ASTN2: variants seen among roughly 807,000 people sequenced by gnomAD.
The protein encoded by ASTN2 is astrotactin-2.
A neutral mutation model predicts 139.8 loss-of-function variants in ASTN2; 54 were observed. The observed-to-expected ratio is 0.39, with a 90% CI of 0.31 to 0.48. The LOEUF is 0.48. Ranked by LOEUF, ASTN2 falls within the 20% of genes least tolerant of loss-of-function variation. The pLI, the probability that ASTN2 is intolerant of heterozygous loss-of-function variation, is 0.95. For synonymous variants in ASTN2, 756 were observed against 719.5 expected (o/e 1.05, Z -0.81); for missense variants, 1,565 against 1,725.1 (o/e 0.91, Z 1.64).
Position 117,084,207 on chromosome 9 carries a change from T to A in ASTN2, c.1276+11837A>T, listed in dbSNP as rs561634904. On this transcript the variant is annotated intron_variant, in intron 5 of 22. Coordinates refer to ENST00000313400, the MANE Select transcript of ASTN2 (RefSeq NM_001365068.1). ...TGCAGATGTAGATCAAAGCTAGGTT[T>A]CTGTATTTTACTGCATTTTACTGTG... Among the ~76,000 whole-genome samples, 3 of 152,298 alleles carry A rather than the reference T, an allele frequency of 2.0e-5. No homozygotes were observed. The South Asian group carries it at 6.2e-4, about 32-fold the overall frequency.
chr9:116,635,888 A>G (rs1337933437), intron 17 of ASTN2, among the ~76,000 whole-genome samples: 4 of 152,188 alleles, frequency 2.6e-5, no homozygotes, highest in African/African-American at 4.8e-5. Flanking sequence ...GGTGGAGCAA[A>G]ACCCAGTTTC....
chr9:117,166,103 C>T (rs1314769753), intron 3 of ASTN2, among the ~76,000 whole-genome samples: 1 of 151,974 alleles, frequency 6.6e-6, no homozygotes, highest in African/African-American at 2.4e-5. Flanking sequence ...TTTTATGGTA[C>T]ACAGACATTG....
intron 16 of ASTN2, among the ~76,000 whole-genome samples, chr9:116,681,105 A>G (rs1234446516): frequency 1.3e-5 from 2 of 152,030 alleles, no homozygotes; most frequent in Admixed American, 1.3e-4. Context: ...CAGATGACAT[A>G]ATTGTATATC....
chr9:116,626,587 G>A (rs1462726269), intron 17 of ASTN2, among the ~76,000 whole-genome samples: 2 of 152,062 alleles, frequency 1.3e-5, no homozygotes, highest in African/African-American at 4.8e-5. Context: ...TATGGAGGTA[G>A]AGTCCCTTTT....
At chr9:116,756,315 G>A (rs1829530668) in intron 13 of ASTN2, among the ~76,000 whole-genome samples, 1 of 152,222 alleles carries the variant, frequency 6.6e-6, no homozygotes, top group Middle Eastern at 3.4e-3. Flanking sequence ...ATGGTCTCAG[G>A]CCTATTATAG....
intron 22 of ASTN2, among the ~76,000 whole-genome samples, chr9:116,439,294 G>A (rs570577018): frequency 8.6e-5 from 11 of 127,428 alleles, no homozygotes; most frequent in South Asian, 4.1e-4. Flanking sequence ...TCCGCCTCCC[G>A]GGTTCACGCC....
At position 116,945,396 on chromosome 9, in the gene ASTN2, A is replaced by C. The variant is rs548911866; in HGVS notation, c.1889+29812T>G. 4.6e-5 allele frequency among the ~76,000 whole-genome samples: 7 copies of C among 152,348 alleles called. No individual in the cohort carries two copies. In the South Asian group the frequency reaches 1.4e-3, roughly 32 times the overall value. ...ATGAAATGGGGACTGAATGTCAGGC[A>C]GCCAGTGAGAATAAAACTCAGCCTT... On this transcript the variant is annotated intron_variant, in intron 10 of 22. Transcript: ENST00000313400.
At chr9:116,879,623 G>A (rs1833400874) in intron 10 of ASTN2, among the ~76,000 whole-genome samples, 1 of 152,314 alleles carries the variant, frequency 6.6e-6, no homozygotes, top group East Asian at 1.9e-4. Flanking sequence ...CATGCTCACT[G>A]AAGTCTAGTG....
chr9:116,998,560 T>TCCATCCATCCAC (rs1299023840), intron 7 of ASTN2, among the ~76,000 whole-genome samples: 1 of 151,778 alleles, frequency 6.6e-6, no homozygotes, highest in Non-Finnish European at 1.5e-5. Flanking sequence ...CATCCATCCA[T>TCCATCCATCCAC]CCATCCATCC....
chr9:117,093,666 A>T (rs1041482863), intron 5 of ASTN2, among the ~76,000 whole-genome samples: 6 of 152,206 alleles, frequency 3.9e-5, no homozygotes, highest in African/African-American at 1.4e-4. Flanking sequence ...TTTCATGAAG[A>T]ATTGCGGGAC....
intron 20 of ASTN2, among the ~76,000 whole-genome samples, chr9:116,446,256 G>GAGAA (rs1847987353): frequency 1.7e-5 from 1 of 57,604 alleles, no homozygotes; most frequent in Admixed American, 3.1e-4. Context: ...AGGGGAGAGG[G>GAGAA]AGAGAGAGAG....
intron 16 of ASTN2, among the ~76,000 whole-genome samples, chr9:116,685,835 A>C (rs900606727): frequency 3.3e-5 from 5 of 151,584 alleles, no homozygotes; most frequent in African/African-American, 1.2e-4. Context: ...TATTTTTAAC[A>C]CTCCTCTGTA....
chr9:117,134,572 G>A (rs369166781), intron 4 of ASTN2, among the ~76,000 whole-genome samples: 6 of 151,638 alleles, frequency 4.0e-5, no homozygotes, highest in South Asian at 2.1e-4. Context: ...AGATATTCCC[G>A]TTACCCCCTG....
intron 11 of ASTN2, among the ~76,000 whole-genome samples, chr9:116,847,020 A>AAAAAAAC (rs1195960891): frequency 1.0e-4 from 14 of 134,906 alleles, no homozygotes; most frequent in East Asian, 2.2e-4. Context: ...AAAAAAAAAA[A>AAAAAAAC]AAAAAACAAA....
At chr9:116,921,051 T>C (rs572163103) in intron 10 of ASTN2, among the ~76,000 whole-genome samples, 1 of 152,298 alleles carries the variant, frequency 6.6e-6, no homozygotes, top group African/African-American at 2.4e-5. Context: ...CATCTGCTTC[T>C]GGGGAGGCCT....
chr9:116,432,208 T>C (rs1028034688), intron 22 of ASTN2, among the ~76,000 whole-genome samples: 1 of 152,342 alleles, frequency 6.6e-6, no homozygotes, highest in African/African-American at 2.4e-5. Flanking sequence ...GCTGAGGTTC[T>C]ATTCATGACT....
chr9:117,154,396 T>A (rs1830389453), intron 3 of ASTN2, among the ~76,000 whole-genome samples: 1 of 151,918 alleles, frequency 6.6e-6, no homozygotes, highest in Admixed American at 6.6e-5. Flanking sequence ...GAGTAACATT[T>A]GGGGTGTAGC....
At position 116,699,304 on chromosome 9, in the gene ASTN2, G is replaced by C. The variant is rs1861054359; in HGVS notation, c.2806+26467C>G. ...GCTGTGCGGCCCAAATTTGTCACCT[G>C]TGATGCTGAGGGCACCGTCTACTTC... On this transcript the variant is annotated intron_variant, in intron 16 of 22. Transcript: ENST00000313400. The surrounding 1 kb of genome is among the most constrained non-coding windows in gnomAD (Gnocchi z 4.2). 1 of 1,614,086 alleles carries C rather than the reference G, an allele frequency of 6.2e-7. No individual in the cohort carries two copies. The highest frequency in any genetic ancestry group is 1.7e-5 in the Admixed American group (1 of 60,002).
chr9:117,191,646 T>C (rs1197759981), intron 3 of ASTN2, among the ~76,000 whole-genome samples: 2 of 152,182 alleles, frequency 1.3e-5, no homozygotes, highest in African/African-American at 4.8e-5. Context: ...TCCTGGACTT[T>C]CTTTGTCAGT....
Sources: gnomAD v4.1 joint callset for allele counts (sites outside exome capture counted in the v4.1 genomes callset) on GRCh38, gnomAD v4.1.1 for gene constraint, Gnocchi (gnomAD v3.1) non-coding constraint, MANE v1.5 for transcripts, NCBI Gene and HGNC (gene_info 2026-07-23, HGNC 2026-07-21) for gene names.